Variants in ALK observed in about 807,000 individuals in gnomAD.
ALK encodes ALK receptor tyrosine kinase, also known as ALK tyrosine kinase receptor.
A neutral mutation model predicts 163.1 loss-of-function variants in ALK; 74 were observed. The ratio of observed to expected loss-of-function variants is 0.45; its 90% CI spans 0.38 to 0.55. The LOEUF (loss-of-function observed/expected upper bound fraction) is 0.55. Among genes scored for constraint, ALK ranks in the 20% least tolerant of loss-of-function variants. ALK has a pLI of 0.00. For missense variants in ALK, 2,063 were observed against 2,105.3 expected (o/e 0.98, Z 0.39); for synonymous variants, 960 against 843.2 (o/e 1.14, Z -2.40).
At chr2:29,438,458 T>C (rs879502622) in intron 4 of ALK, among the ~76,000 whole-genome samples, 1 of 152,214 alleles carries the variant, frequency 6.6e-6, no homozygotes, top group Non-Finnish European at 1.5e-5. Context: ...CACCATGACA[T>C]AGGAAAAACC....
At chr2:29,351,629 A>C (rs1186312918) in intron 5 of ALK, among the ~76,000 whole-genome samples, 1 of 152,220 alleles carries the variant, frequency 6.6e-6, no homozygotes, top group African/African-American at 2.4e-5. Context: ...TCAGATTCTC[A>C]GTTTGAGAAA....
At chr2:29,334,809 A>G (rs1667560110) in intron 5 of ALK, among the ~76,000 whole-genome samples, 1 of 152,152 alleles carries the variant, frequency 6.6e-6, no homozygotes, top group Non-Finnish European at 1.5e-5. Flanking sequence ...AATTAGATGG[A>G]CGCCTGGTAC....
At chr2:29,212,704 T>C (rs181868446) in intron 24 of ALK, among the ~76,000 whole-genome samples, 138 of 150,610 alleles carry the variant, frequency 9.2e-4, no homozygotes, top group African/African-American at 3.2e-3. Context: ...TATTTCTTTG[T>C]TTTTTCTTTT....
intron 4 of ALK, among the ~76,000 whole-genome samples, chr2:29,483,445 C>A (rs1027250213): frequency 3.3e-5 from 5 of 152,158 alleles, no homozygotes; most frequent in African/African-American, 9.7e-5. Context: ...TAGGCGGTAT[C>A]TCCTGGGAGC....
At chr2:29,854,262 T>A (rs1666083044) in intron 1 of ALK, among the ~76,000 whole-genome samples, 1 of 152,200 alleles carries the variant, frequency 6.6e-6, no homozygotes, top group Non-Finnish European at 1.5e-5. Context: ...TTTGGATGTT[T>A]GTCCCCTCCA....
chr2:29,193,856 C>G lies in ALK; in HGVS notation c.4231G>C (p.Val1411Leu), dbSNP rs748638070. ...YGPLVEEEEK[V>L]PVRPKDPEGV... ...TCAGGGTCCTTGGGCCTCACAGGCA[C>G]TTTCTCTTCCTCTTCCACAAGTGGA... Residue 1411 changes from valine to leucine, a missense_variant, in exon 29 of 29, where the codon GTG (valine) becomes CTG (leucine). Val to Leu is a conservative substitution (Grantham distance 32, BLOSUM62 1). Coordinates refer to ENST00000389048, the MANE Select transcript of ALK (RefSeq NM_004304.5). 8.1e-6 allele frequency: 13 copies of G among 1,613,740 alleles called. No individual in the cohort carries two copies. The highest frequency in any genetic ancestry group is 1.1e-5 in the Non-Finnish European group (13 of 1,179,870).
chr2:29,333,898 C>T (rs1276575146), intron 5 of ALK, among the ~76,000 whole-genome samples: 1 of 152,202 alleles, frequency 6.6e-6, no homozygotes, highest in East Asian at 1.9e-4. Flanking sequence ...AGGTGTGAGC[C>T]ACTGCACCCA....
intron 1 of ALK, among the ~76,000 whole-genome samples, chr2:29,786,078 TGAA>T (rs1232717646): frequency 6.6e-6 from 1 of 152,102 alleles, no homozygotes; most frequent in East Asian, 1.9e-4. Context: ...AGGCACACAA[TGAA>T]GAAAAAACGA....
At chr2:29,389,121 GC>G in intron 4 of ALK, among the ~76,000 whole-genome samples, 1 of 152,346 alleles carries the variant, frequency 6.6e-6, no homozygotes, top group East Asian at 1.9e-4. Flanking sequence ...TTGCACACTA[GC>G]TAAAGTATTG....
chr2:29,440,979 G>A (rs1471983736), intron 4 of ALK, among the ~76,000 whole-genome samples: 4 of 152,108 alleles, frequency 2.6e-5, no homozygotes, highest in African/African-American at 9.7e-5. Flanking sequence ...GTGCCTCCAG[G>A]CTCTGGCTGG....
At chr2:29,810,149 T>C (rs1572396984) in intron 1 of ALK, among the ~76,000 whole-genome samples, 2 of 152,108 alleles carry the variant, frequency 1.3e-5, no homozygotes, top group South Asian at 4.2e-4. Flanking sequence ...CAGCCGGACA[T>C]GGTGGCTCAT....
intron 24 of ALK, among the ~76,000 whole-genome samples, chr2:29,211,872 G>GAGC (rs1222548888): frequency 6.6e-6 from 1 of 152,216 alleles, no homozygotes; most frequent in Non-Finnish European, 1.5e-5. Flanking sequence ...AAGGAGAAAA[G>GAGC]AGCAATAAAT....
intron 3 of ALK, among the ~76,000 whole-genome samples, chr2:29,612,110 C>G (rs1244117790): frequency 6.6e-6 from 1 of 152,168 alleles, no homozygotes; most frequent in Non-Finnish European, 1.5e-5. Context: ...GGGTGTGCAA[C>G]AGAACCCAGG....
At position 29,275,450 on chromosome 2, in the gene ALK, T is replaced by A; in HGVS notation, c.1864A>T (p.Ile622Phe). 9 of 1,614,168 alleles carry A rather than the reference T, an allele frequency of 5.6e-6. No individual in the cohort carries two copies. Among genetic ancestry groups the A allele is most frequent in the Non-Finnish European group, 7.6e-6 (9 of 1,180,026 alleles). ...ATGGAGATATTGTCAAAAGCCACGATGGCTCTGGATCCTTGTCCCCACCAT... is the reference window on the plus strand; with the variant it reads ...ATGGAGATATTGTCAAAAGCCACGAAGGCTCTGGATCCTTGTCCCCACCAT... ...VAWWGQGSRA[I>F]VAFDNISISL... Residue 622 changes from isoleucine to phenylalanine, a missense_variant, in exon 10 of 29, where the codon ATC becomes TTC. Around this residue, in one of 5 missense-constraint regions of ALK, gnomAD observed 987 missense variants for 939.5 expected, o/e 1.05. Coordinates refer to ENST00000389048, the MANE Select transcript of ALK (RefSeq NM_004304.5).
chr2:29,281,788 C>G (rs1321412660), intron 9 of ALK, among the ~76,000 whole-genome samples: 2 of 152,210 alleles, frequency 1.3e-5, no homozygotes, highest in Non-Finnish European at 1.5e-5. Context: ...AATTGGGCGC[C>G]TCGGAGACTC....
chr2:29,544,532 T>G (rs984436130), intron 3 of ALK, among the ~76,000 whole-genome samples: 3 of 152,122 alleles, frequency 2.0e-5, no homozygotes, highest in African/African-American at 7.2e-5. Flanking sequence ...CTATTTCTGC[T>G]GCAAAGACCG....
At chr2:29,791,988 C>T (rs1476598735) in intron 1 of ALK, among the ~76,000 whole-genome samples, 5 of 152,090 alleles carry the variant, frequency 3.3e-5, no homozygotes, top group Admixed American at 6.6e-5. Flanking sequence ...ATAACATGAG[C>T]TTATGAAATA....
intron 1 of ALK, among the ~76,000 whole-genome samples, chr2:29,879,695 G>T (rs1253096314): frequency 7.9e-5 from 12 of 152,170 alleles, no homozygotes; most frequent in Non-Finnish European, 1.5e-4. Flanking sequence ...CAGAGTGATT[G>T]TTCCTAAGAA....
intron 2 of ALK, among the ~76,000 whole-genome samples, chr2:29,696,765 T>C (rs1250217279): frequency 1.3e-5 from 2 of 151,934 alleles, no homozygotes; most frequent in Non-Finnish European, 2.9e-5. Context: ...CACCTGCGTG[T>C]CTGAAGTTCT....
Sources: gnomAD v4.1 joint callset for allele counts (sites outside exome capture counted in the v4.1 genomes callset) on GRCh38, gnomAD v4.1.1 for gene constraint, gnomAD v4.1.1 regional missense constraint, MANE v1.5 for transcripts, NCBI Gene and HGNC (gene_info 2026-07-23, HGNC 2026-07-21) for gene names.